Variants in FERMT2 observed in about 807,000 individuals in gnomAD.
FERMT2 encodes fermitin family homolog 2.
Under a neutral mutation model 82.7 loss-of-function variants are expected in FERMT2, and 15 were observed. The ratio of observed to expected loss-of-function variants is 0.18; its 90% CI spans 0.12 to 0.28. FERMT2 has a LOEUF of 0.28. FERMT2 is among the 10% of genes least tolerant of loss of function. The pLI, the probability that FERMT2 is intolerant of heterozygous loss-of-function variation, is 1.00. For synonymous variants in FERMT2, 274 were observed against 271.5 expected (o/e 1.01, Z -0.09); for missense variants, 645 against 809.4 (o/e 0.80, Z 2.46).
At position 52,881,347 on chromosome 14, in the gene FERMT2, T is replaced by C. The variant is rs1886285467; in HGVS notation, c.649A>G (p.Asn217Asp). The change falls in exon 5 of 15, where the codon AAT becomes GAT. Residue 217 changes from asparagine to aspartate, a missense_variant. By Grantham distance (23) the Asn-to-Asp change is conservative. Transcript: ENST00000341590. ...TGACTGACAGCAAGTATACCAGGAT[T>C]GCCTTCTGACAAAGCACTGTCACCA... ...WFGDSALSEG[N>D]PGILAVSQPI... 1.2e-6 allele frequency: 2 copies of C among 1,614,090 alleles called. No homozygotes were observed. Among genetic ancestry groups the C allele is most frequent in the Non-Finnish European group, 1.7e-6 (2 of 1,180,016 alleles).
intron 2 of FERMT2, among the ~76,000 whole-genome samples, chr14:52,935,205 A>C (rs1056803334): frequency 6.6e-6 from 1 of 152,196 alleles, no homozygotes; most frequent in African/African-American, 2.4e-5. Flanking sequence ...AAAAGTTTTT[A>C]ATCTGCTAGC....
At chr14:52,885,693 C>T (rs1253137204) in intron 4 of FERMT2, among the ~76,000 whole-genome samples, 1 of 152,126 alleles carries the variant, frequency 6.6e-6, no homozygotes, top group African/African-American at 2.4e-5. Flanking sequence ...AATCAAACAA[C>T]TCCTAAATAT....
At chr14:52,918,283 T>TA (rs531205867) in intron 3 of FERMT2, among the ~76,000 whole-genome samples, 117 of 152,140 alleles carry the variant, frequency 7.7e-4, no homozygotes, top group Admixed American at 1.0e-3. Context: ...TCCTATTTAT[T>TA]AAAAAAAATC....
chr14:52,863,602 G>A (rs1478589156), intron 12 of FERMT2: 1 of 152,108 alleles, frequency 6.6e-6, no homozygotes, highest in Non-Finnish European at 1.5e-5. Flanking sequence ...CCAAAGAAAA[G>A]AATTCTAAAC....
chr14:52,913,708 A>AGTAGTAGTAGTAGTAGTAGTAGTG, intron 3 of FERMT2, among the ~76,000 whole-genome samples: 1 of 152,170 alleles, frequency 6.6e-6, no homozygotes, highest in African/African-American at 2.4e-5. Context: ...TAGTAGTAGT[A>AGTAGTAGTAGTAGTAGTAGTAGTG]GTAGTAATGA....
intron 4 of FERMT2, among the ~76,000 whole-genome samples, chr14:52,892,166 GTTTTTTT>G (rs10547747): frequency 0.016 from 2,092 of 128,808 alleles, 31 homozygotes; most frequent in Non-Finnish European, 0.022. Flanking sequence ...GCTGTTTTTT[GTTTTTTT>G]TTTTTTTTTT....
chr14:52,875,071 C>T, intron 8 of FERMT2, 152 bp downstream of exon 8: 2 of 713,956 alleles, frequency 2.8e-6, no homozygotes, highest in Non-Finnish European at 4.4e-6. Flanking sequence ...AACCACTTTG[C>T]TCAAAGTTCC....
intron 5 of FERMT2, 47 bp from the exon 6 acceptor site, chr14:52,881,185 A>G (rs1218305363): frequency 1.9e-6 from 3 of 1,593,094 alleles, no homozygotes; most frequent in Non-Finnish European, 2.6e-6. Context: ...GAATGAAGAC[A>G]ATATTTCTAC....
At chr14:52,876,822 TCA>T (rs996002958) in intron 7 of FERMT2, among the ~76,000 whole-genome samples, 60 of 152,288 alleles carry the variant, frequency 3.9e-4, no homozygotes, top group African/African-American at 1.3e-3. Context: ...CACCATACTT[TCA>T]CAGTTTCCTT....
chr14:52,862,450 T>A (rs1885002315), intron 12 of FERMT2: 1 of 152,204 alleles, frequency 6.6e-6, no homozygotes, highest in African/African-American at 2.4e-5. Context: ...GGCAGATCAC[T>A]TGAGCTCAAG....
chr14:52,910,201 T>C (rs1457670212), intron 3 of FERMT2, among the ~76,000 whole-genome samples: 2 of 152,242 alleles, frequency 1.3e-5, no homozygotes, highest in African/African-American at 2.4e-5. Flanking sequence ...AACTGAGCTT[T>C]AGTCAATCTG....
intron 10 of FERMT2, 72 bp downstream of exon 10, chr14:52,872,727 G>C: frequency 6.6e-7 from 1 of 1,520,984 alleles, no homozygotes; most frequent in Non-Finnish European, 8.9e-7. Context: ...GTTTATCCCA[G>C]CAAGTGGCTC....
chr14:52,891,427 C>T (rs1463012535), intron 4 of FERMT2, among the ~76,000 whole-genome samples: 1 of 152,090 alleles, frequency 6.6e-6, no homozygotes, highest in Non-Finnish European at 1.5e-5. Context: ...GATTGTCTTA[C>T]TTCTTTGTAT....
chr14:52,912,682 G>T (rs565119677), intron 3 of FERMT2, among the ~76,000 whole-genome samples: 371 of 151,848 alleles, frequency 2.4e-3, no homozygotes, highest in Middle Eastern at 0.014. Flanking sequence ...GCTACTTTTT[G>T]TATTTTTAGT....
At chr14:52,881,915 A>C in intron 4 of FERMT2, 2 of 521,496 alleles carry the variant, frequency 3.8e-6, no homozygotes, top group Non-Finnish European at 6.1e-6. Flanking sequence ...GAAAATGAGA[A>C]AAAGAAAAAA....
chr14:52,881,156 A>G lies in FERMT2; in HGVS notation c.753-18T>C, dbSNP rs1249811716. On this transcript the variant is annotated intron_variant, in intron 5 of 14. Coordinates refer to ENST00000341590, the MANE Select transcript of FERMT2 (RefSeq NM_006832.3). ...CAAGCCATCTGGACAAATTAAGAAC[A>G]GTGGAACAAAACAACACAGAATGAA... 1 of 1,602,986 alleles carries G rather than the reference A, an allele frequency of 6.2e-7. No homozygotes were observed. The highest frequency in any genetic ancestry group is 8.5e-7 in the Non-Finnish European group (1 of 1,170,456).
chr14:52,926,631 T>C (rs1197639354), intron 2 of FERMT2, among the ~76,000 whole-genome samples: 1 of 152,118 alleles, frequency 6.6e-6, no homozygotes, highest in Non-Finnish European at 1.5e-5. Flanking sequence ...ATTCAGTATA[T>C]CTTATATTTT....
intron 6 of FERMT2, 62 bp from the exon 7 acceptor site, chr14:52,878,751 T>C (rs951211110): frequency 6.1e-6 from 5 of 816,194 alleles, no homozygotes; most frequent in African/African-American, 3.5e-5. Context: ...AATTTCAAAC[T>C]CTGAATATTC....
intron 2 of FERMT2, among the ~76,000 whole-genome samples, chr14:52,934,303 A>G (rs1889735226): frequency 2.0e-5 from 3 of 152,248 alleles, no homozygotes; most frequent in Non-Finnish European, 4.4e-5. Context: ...AAATGGAAAA[A>G]ATAGCAAAAC....
Sources: gnomAD v4.1 joint callset for allele counts (sites outside exome capture counted in the v4.1 genomes callset) on GRCh38, gnomAD v4.1.1 for gene constraint, MANE v1.5 for transcripts, NCBI Gene and HGNC (gene_info 2026-07-23, HGNC 2026-07-21) for gene names.